Variants in SYT1 observed in about 807,000 individuals in gnomAD.
SYT1 encodes the protein synaptotagmin-1.
In SYT1, 8 loss-of-function variants were observed where a neutral mutation model predicts 44.8. That is an observed-to-expected ratio of 0.18 (90% CI 0.10 to 0.32). The LOEUF (loss-of-function observed/expected upper bound fraction) is 0.32. SYT1 is among the 10% of genes least tolerant of loss of function. SYT1 has a pLI of 1.00. For synonymous variants in SYT1, 154 were observed against 188.8 expected, an observed-to-expected ratio of 0.82 and a Z score of 1.51; for missense variants, 286 against 509.3, an observed-to-expected ratio of 0.56 and a Z score of 4.22.
intron 3 of SYT1, among the ~76,000 whole-genome samples, chr12:79,196,409 G>A (rs771210964): frequency 3.3e-5 from 5 of 152,032 alleles, no homozygotes; most frequent in Middle Eastern, 3.4e-3. Flanking sequence ...CTCGTGATCC[G>A]CCCTCCTCAG....
intron 1 of SYT1, among the ~76,000 whole-genome samples, chr12:78,917,092 A>AT (rs1042201903): frequency 1.1e-4 from 17 of 151,614 alleles, no homozygotes; most frequent in African/African-American, 2.2e-4. Flanking sequence ...ATGCAGAGCT[A>AT]TTTTTTTTAT....
chr12:79,295,956 TAAAAATA>T, intron 6 of SYT1, 106 bp from the exon 7 acceptor site: 1 of 1,208,470 alleles, frequency 8.3e-7, no homozygotes, highest in South Asian at 1.8e-5. Flanking sequence ...AGAGTTTTAT[TAAAAATA>T]AATAGGAAGA....
intron 3 of SYT1, among the ~76,000 whole-genome samples, chr12:79,123,243 A>G (rs746879617): frequency 6.6e-6 from 1 of 151,680 alleles, no homozygotes; most frequent in African/African-American, 2.4e-5. Context: ...GTGCCTCAGC[A>G]TTACAATTCC....
chr12:79,018,458 G>A (rs1006990996), intron 2 of SYT1, among the ~76,000 whole-genome samples: 7 of 151,986 alleles, frequency 4.6e-5, no homozygotes, highest in Middle Eastern at 3.4e-3. Context: ...AAACCTGCAC[G>A]TTGTGCACAT....
intron 8 of SYT1, 75 bp from the exon 9 acceptor site, chr12:79,353,427 T>C (rs956225302): frequency 8.7e-7 from 1 of 1,144,950 alleles, no homozygotes; most frequent in African/African-American, 1.5e-5. Context: ...TCTTGAAGAA[T>C]TTACAATATA....
At chr12:79,136,332 T>C (rs1427912060) in intron 3 of SYT1, among the ~76,000 whole-genome samples, 1 of 152,162 alleles carries the variant, frequency 6.6e-6, no homozygotes, top group Non-Finnish European at 1.5e-5. Flanking sequence ...GGAAAAATAA[T>C]GAAGATGTTA....
At chr12:78,875,674 T>C (rs1874029447) in intron 1 of SYT1, among the ~76,000 whole-genome samples, 1 of 151,750 alleles carries the variant, frequency 6.6e-6, no homozygotes, top group South Asian at 2.1e-4. Context: ...ATGTATAATC[T>C]CACCATGCTT....
chr12:79,210,624 G>A (rs983226666), intron 3 of SYT1, among the ~76,000 whole-genome samples: 3 of 152,050 alleles, frequency 2.0e-5, no homozygotes, highest in Non-Finnish European at 2.9e-5. Context: ...TAAATATACC[G>A]CAGTTTCTTT....
intron 8 of SYT1, among the ~76,000 whole-genome samples, chr12:79,328,773 G>A (rs1592970768): frequency 2.0e-5 from 3 of 151,496 alleles, no homozygotes; most frequent in Admixed American, 2.0e-4. Flanking sequence ...CTGAACCCGG[G>A]AGGCAGAGCT....
chr12:78,962,610 G>A (rs1424291197), intron 1 of SYT1, among the ~76,000 whole-genome samples: 1 of 152,032 alleles, frequency 6.6e-6, no homozygotes, highest in South Asian at 2.1e-4. Flanking sequence ...GTTGGCCTGT[G>A]TGTATTCTCA....
intron 3 of SYT1, among the ~76,000 whole-genome samples, chr12:79,214,268 TA>T (rs1490279678): frequency 1.3e-5 from 2 of 152,140 alleles, no homozygotes; most frequent in East Asian, 1.9e-4. Context: ...TTTTTTTGAT[TA>T]AAAAATAAGA....
intron 9 of SYT1, chr12:79,419,314 T>A: frequency 1.9e-6 from 1 of 513,550 alleles, no homozygotes; most frequent in South Asian, 1.5e-5. Context: ...CTTAATTTCC[T>A]TTTTTCTAAA....
chr12:79,174,821 G>A (rs1184295467), intron 3 of SYT1, among the ~76,000 whole-genome samples: 5 of 152,028 alleles, frequency 3.3e-5, no homozygotes, highest in African/African-American at 1.2e-4. Context: ...TCCTATTGGA[G>A]CTTGCTGCTA....
At chr12:79,014,060 G>T (rs1424600582) in intron 2 of SYT1, among the ~76,000 whole-genome samples, 1 of 147,942 alleles carries the variant, frequency 6.8e-6, no homozygotes, top group African/African-American at 2.5e-5. Flanking sequence ...AGGAGGCAAG[G>T]GTTGCAGTGA....
chr12:79,137,971 A>G (rs1869307715), intron 3 of SYT1, among the ~76,000 whole-genome samples: 1 of 152,222 alleles, frequency 6.6e-6, no homozygotes, highest in African/African-American at 2.4e-5. Flanking sequence ...AAAATATGAT[A>G]ATAGATATTC....
intron 8 of SYT1, among the ~76,000 whole-genome samples, chr12:79,331,429 T>C (rs777989662): frequency 3.3e-5 from 5 of 152,210 alleles, no homozygotes; most frequent in Non-Finnish European, 7.4e-5. Context: ...CATATACTCT[T>C]TTCAGCTTTA....
chr12:79,316,916 A>C (rs1007550505), intron 8 of SYT1, among the ~76,000 whole-genome samples: 4 of 152,246 alleles, frequency 2.6e-5, no homozygotes, highest in Non-Finnish European at 5.9e-5. Context: ...TAGAACTCGG[A>C]GTCCAAGTCA....
intron 1 of SYT1, among the ~76,000 whole-genome samples, chr12:78,962,862 T>A (rs190729965): frequency 7.6e-4 from 115 of 152,296 alleles, no homozygotes; most frequent in Admixed American, 2.5e-3. Flanking sequence ...TTTAATGACT[T>A]CCTTTTTCAT....
At chr12:78,978,978 A>G (rs1318010187) in intron 2 of SYT1, among the ~76,000 whole-genome samples, 2 of 152,214 alleles carry the variant, frequency 1.3e-5, no homozygotes, top group African/African-American at 2.4e-5. Context: ...ACCTTTTAGG[A>G]ATAAATTATT....
Sources: gnomAD v4.1 joint callset for allele counts (sites outside exome capture counted in the v4.1 genomes callset) on GRCh38, gnomAD v4.1.1 for gene constraint, MANE v1.5 for transcripts, NCBI Gene and HGNC (gene_info 2026-07-23, HGNC 2026-07-21) for gene names.